Variants in CASR observed in about 807,000 individuals in gnomAD.
CASR encodes calcium sensing receptor, also known as extracellular calcium-sensing receptor.
A neutral mutation model predicts 69.1 loss-of-function variants in CASR; 23 were observed. That is an observed-to-expected ratio of 0.33 (90% CI 0.24 to 0.47). The LOEUF (loss-of-function observed/expected upper bound fraction) is 0.47. Among genes scored for constraint, CASR ranks in the 20% least tolerant of loss-of-function variants. CASR has a pLI of 1.00. For synonymous variants in CASR, 541 were observed against 544.7 expected, an observed-to-expected ratio of 0.99 and a Z score of 0.10; for missense variants, 924 against 1,356.1, an observed-to-expected ratio of 0.68 and a Z score of 5.00.
At chr3:122,189,366 C>T (rs2107578865) in intron 1 of CASR, among the ~76,000 whole-genome samples, 1 of 152,352 alleles carries the variant, frequency 6.6e-6, no homozygotes. Context: ...GCTTAACTAG[C>T]TGATATCCTT....
At position 122,284,745 on chromosome 3, in the gene CASR, A is replaced by AAGCAGC; in HGVS notation, c.2798_2803dup (p.Gln933_Gln934dup). 6.2e-7 allele frequency: 1 copy of AAGCAGC among 1,614,146 alleles called. No homozygotes were observed. The highest frequency in any genetic ancestry group is 1.3e-5 in the African/African-American group (1 of 75,052). On this transcript the variant is annotated inframe_insertion, in exon 7 of 7. Transcript: ENST00000639785. ...CCCATTCCCACAGCCCGAGAGGCAG[A>AAGCAGC]AGCAGCAGCAGCCGCTGGCCCTAAC...
chr3:122,244,068 G>A (rs1195276964), intron 1 of CASR, among the ~76,000 whole-genome samples: 1 of 152,030 alleles, frequency 6.6e-6, no homozygotes, highest in Non-Finnish European at 1.5e-5. Context: ...GGTGGTTAAT[G>A]GGTACAAAAA....
chr3:122,267,698 G>T (rs1454138732), intron 4 of CASR, among the ~76,000 whole-genome samples: 2 of 152,188 alleles, frequency 1.3e-5, no homozygotes, highest in African/African-American at 2.4e-5. Context: ...GGTGGCAGTG[G>T]TAGTTACCAA....
At chr3:122,214,125 C>A (rs575915843) in intron 1 of CASR, among the ~76,000 whole-genome samples, 4 of 152,306 alleles carry the variant, frequency 2.6e-5, no homozygotes, top group African/African-American at 9.6e-5. Context: ...CAGATCCTGT[C>A]ATTGGCTCTT....
chr3:122,244,035 T>A (rs977950895), intron 1 of CASR, among the ~76,000 whole-genome samples: 9 of 152,000 alleles, frequency 5.9e-5, no homozygotes, highest in Non-Finnish European at 1.2e-4. Context: ...GAGAGGGTAG[T>A]CGGGGAGTGG....
At chr3:122,201,012 T>A (rs531145932) in intron 1 of CASR, among the ~76,000 whole-genome samples, 3 of 134,394 alleles carry the variant, frequency 2.2e-5, no homozygotes, top group East Asian at 2.0e-4. Flanking sequence ...TTTATTTTTT[T>A]TTTTTTTATT....
chr3:122,195,997 T>A (rs1039151034), intron 1 of CASR, among the ~76,000 whole-genome samples: 1 of 152,190 alleles, frequency 6.6e-6, no homozygotes, highest in Admixed American at 6.5e-5. Flanking sequence ...AAATAATCGT[T>A]GATATGTTCA....
chr3:122,206,530 A>G (rs573303327), intron 1 of CASR, among the ~76,000 whole-genome samples: 2 of 151,944 alleles, frequency 1.3e-5, no homozygotes, highest in Admixed American at 6.6e-5. Flanking sequence ...AGTGGCCTGT[A>G]AGTTTTCTTT....
At chr3:122,277,859 C>G (rs1287826622) in intron 5 of CASR, among the ~76,000 whole-genome samples, 2 of 152,194 alleles carry the variant, frequency 1.3e-5, no homozygotes, top group African/African-American at 4.8e-5. Context: ...ACATCATGGG[C>G]TTAAACATTG....
chr3:122,266,107 AG>A, intron 4 of CASR, among the ~76,000 whole-genome samples: 1 of 152,222 alleles, frequency 6.6e-6, no homozygotes, highest in Non-Finnish European at 1.5e-5. Flanking sequence ...TGGAAGTCCT[AG>A]ACCAGAGTGG....
At chr3:122,272,423 TG>T (rs61290340) in intron 4 of CASR, among the ~76,000 whole-genome samples, 2,719 of 152,292 alleles carry the variant, frequency 0.018, 75 homozygotes, top group African/African-American at 0.06. Flanking sequence ...TAACACATCA[TG>T]TTTATTCCTA....
chr3:122,228,438 G>A (rs968918532), intron 1 of CASR, among the ~76,000 whole-genome samples: 16 of 152,150 alleles, frequency 1.1e-4, no homozygotes, highest in Admixed American at 1.3e-4. Flanking sequence ...TGCACACCAA[G>A]CCTCACTTGT....
intron 1 of CASR, among the ~76,000 whole-genome samples, chr3:122,207,312 C>T (rs1047099413): frequency 6.6e-6 from 1 of 152,022 alleles, no homozygotes; most frequent in Non-Finnish European, 1.5e-5. Context: ...ACACAACACA[C>T]CTAATAGGCC....
chr3:122,227,078 G>C (rs924525439), intron 1 of CASR, among the ~76,000 whole-genome samples: 2 of 152,248 alleles, frequency 1.3e-5, no homozygotes, highest in African/African-American at 4.8e-5. Flanking sequence ...GTGCTGATTG[G>C]TGTACCTACA....
chr3:122,240,816 A>G (rs1167231615), intron 1 of CASR, among the ~76,000 whole-genome samples: 4 of 152,224 alleles, frequency 2.6e-5, no homozygotes, highest in Non-Finnish European at 5.9e-5. Context: ...CAAAAAATTG[A>G]AATAATATCA....
At chr3:122,236,077 T>A (rs1313264151) in intron 1 of CASR, among the ~76,000 whole-genome samples, 1 of 152,222 alleles carries the variant, frequency 6.6e-6, no homozygotes, top group African/African-American at 2.4e-5. Flanking sequence ...CCCGGCCCCA[T>A]GCCCAACAGA....
chr3:122,235,642 T>TA (rs1559947778), intron 1 of CASR, among the ~76,000 whole-genome samples: 2 of 152,124 alleles, frequency 1.3e-5, no homozygotes, highest in Non-Finnish European at 2.9e-5. Context: ...CAAAATTTTT[T>TA]AAAAAATAGC....
At position 122,240,226 on chromosome 3, in the gene CASR, G is replaced by T. The variant is rs1009582642; in HGVS notation, c.-242-13722G>T. Among the ~76,000 whole-genome samples, 10 of 152,304 alleles carry T rather than the reference G, an allele frequency of 6.6e-5. No individual in the cohort carries two copies. The South Asian group carries it at 8.3e-4, about 13-fold the overall frequency. ...TGGAAACCTTATAAGCCAGGAGAGA[G>T]TGCCATGACATGTTTAAAGTGCTGA... On this transcript the variant is annotated intron_variant, in intron 1 of 6. Transcript: ENST00000639785.
chr3:122,189,918 A>T (rs999307979), intron 1 of CASR, among the ~76,000 whole-genome samples: 1 of 152,200 alleles, frequency 6.6e-6, no homozygotes, highest in Admixed American at 6.5e-5. Flanking sequence ...ATAATTTGAC[A>T]TAAGCTTTTA....
Sources: gnomAD v4.1 joint callset for allele counts (sites outside exome capture counted in the v4.1 genomes callset) on GRCh38, gnomAD v4.1.1 for gene constraint, MANE v1.5 for transcripts, NCBI Gene and HGNC (gene_info 2026-07-23, HGNC 2026-07-21) for gene names.